Variants in KSR2 observed in about 807,000 individuals in gnomAD.
KSR2 encodes the protein kinase suppressor of ras 2.
In KSR2, 25 loss-of-function variants were observed where a neutral mutation model predicts 107.8. The ratio of observed to expected loss-of-function variants is 0.23; its 90% CI spans 0.17 to 0.32. The LOEUF (loss-of-function observed/expected upper bound fraction) is 0.32. KSR2 is among the 10% of genes least tolerant of loss of function. The probability of loss-of-function intolerance (pLI) is 1.00; values close to 1 mark genes in which losing one functional copy is unlikely to be tolerated. For synonymous variants in KSR2, 480 were observed against 507.0 expected (o/e 0.95, Z 0.71); for missense variants, 887 against 1,268.9 (o/e 0.70, Z 4.57).
At chr12:117,851,695 A>G (rs1391826576) in intron 3 of KSR2, among the ~76,000 whole-genome samples, 1 of 152,124 alleles carries the variant, frequency 6.6e-6, no homozygotes, top group East Asian at 1.9e-4. Context: ...GTTTGAGACC[A>G]GCCTAGCCAA....
chr12:117,816,304 G>T (rs555604152), intron 3 of KSR2, among the ~76,000 whole-genome samples: 1 of 152,228 alleles, frequency 6.6e-6, no homozygotes, highest in East Asian at 1.9e-4. Context: ...CCCAGCTGAG[G>T]CTTTAGCCAG....
intron 1 of KSR2, among the ~76,000 whole-genome samples, chr12:117,931,304 T>C (rs1051229283): frequency 1.3e-5 from 2 of 152,148 alleles, no homozygotes; most frequent in African/African-American, 4.8e-5. Context: ...GACCTGGGAA[T>C]TCATTTTTAA....
chr12:117,877,811 T>C (rs1407290035), intron 1 of KSR2, among the ~76,000 whole-genome samples: 3 of 152,116 alleles, frequency 2.0e-5, no homozygotes, highest in Non-Finnish European at 4.4e-5. Flanking sequence ...AAAATACACA[T>C]GCCAAGCCCC....
At chr12:117,857,625 G>C (rs1465391775) in intron 2 of KSR2, among the ~76,000 whole-genome samples, 2 of 151,996 alleles carry the variant, frequency 1.3e-5, no homozygotes, top group African/African-American at 4.8e-5. Context: ...AATAATAATA[G>C]CTGAAATGGA....
intron 4 of KSR2, among the ~76,000 whole-genome samples, chr12:117,758,736 C>G (rs12310819): frequency 0.06 from 9,087 of 152,194 alleles, 928 homozygotes; most frequent in African/African-American, 0.21. Context: ...ATTTAAAAAC[C>G]AAAGGGCAGC....
Position 117,468,272 on chromosome 12 carries a change from G to A in KSR2, c.2847-1067C>T, listed in dbSNP as rs923498996. On this transcript the variant is annotated intron_variant, in intron 19 of 19. Coordinates refer to ENST00000339824, the MANE Select transcript of KSR2 (RefSeq NM_173598.6). Reference sequence around the variant, plus strand: ...CAGGTGCTCTACACGTGGCCACATGGGACTTGCACAGCATTTCTGCTAGAG... The same window carrying A: ...CAGGTGCTCTACACGTGGCCACATGAGACTTGCACAGCATTTCTGCTAGAG... Among the ~76,000 whole-genome samples, 13 of 152,304 alleles carry A rather than the reference G, an allele frequency of 8.5e-5. 1 individual carries two copies. The highest frequency in any genetic ancestry group is 8.3e-4 in the South Asian group (4 of 4,826).
Position 117,524,968 on chromosome 12 carries a change from C to T in KSR2, c.2103G>A (p.Glu701=). The T allele has an allele frequency of 1.2e-6, 2 of 1,613,876 alleles. No homozygotes were observed. The highest frequency in any genetic ancestry group is 1.7e-6 in the Non-Finnish European group (2 of 1,179,864). The part of the protein sequence containing the change: ...IRLIDIERDN[E]DQLKAFKREV... ...CCCGCTTGAAGGCCTTGAGCTGGTC[C>T]TCGTTGTCCCTCTCAATGTCAATCA... The change falls in exon 14 of 20, where the codon GAG becomes GAA. Residue 701 remains glutamate (E), a synonymous_variant. Coordinates refer to ENST00000339824, the MANE Select transcript of KSR2 (RefSeq NM_173598.6).
At chr12:117,586,583 G>GAA (rs60193111) in intron 5 of KSR2, among the ~76,000 whole-genome samples, 2 of 54,724 alleles carry the variant, frequency 3.7e-5, no homozygotes, top group South Asian at 1.0e-3. Flanking sequence ...GCCAAACTCC[G>GAA]AAAAAAAAAA....
chr12:117,894,783 T>C (rs1454409804), intron 1 of KSR2, among the ~76,000 whole-genome samples: 1 of 141,172 alleles, frequency 7.1e-6, no homozygotes, highest in African/African-American at 2.6e-5. Flanking sequence ...GTGAAGACCA[T>C]GCCTGCTTCC....
intron 5 of KSR2, among the ~76,000 whole-genome samples, chr12:117,620,769 T>C (rs1882150537): frequency 6.6e-6 from 1 of 152,068 alleles, no homozygotes; most frequent in African/African-American, 2.4e-5. Context: ...GTATTTATCA[T>C]TCTTCTTTTT....
intron 14 of KSR2, among the ~76,000 whole-genome samples, chr12:117,497,440 T>C (rs545618772): frequency 3.3e-5 from 5 of 152,252 alleles, no homozygotes; most frequent in Non-Finnish European, 5.9e-5. Flanking sequence ...CTTCATTAAC[T>C]TGTGACAACT....
At chr12:117,768,848 A>C (rs1006302891) in intron 3 of KSR2, among the ~76,000 whole-genome samples, 3 of 152,252 alleles carry the variant, frequency 2.0e-5, no homozygotes, top group Admixed American at 6.5e-5. Context: ...AGGCACAGAG[A>C]GGTCAAGTGG....
chr12:117,858,599 G>A (rs1430123323), intron 2 of KSR2, among the ~76,000 whole-genome samples: 2 of 152,230 alleles, frequency 1.3e-5, no homozygotes, highest in East Asian at 3.9e-4. Context: ...AGCAGGGAGC[G>A]CCTCGAGAGA....
intron 4 of KSR2, among the ~76,000 whole-genome samples, chr12:117,691,542 T>C (rs776296367): frequency 1.3e-5 from 2 of 152,226 alleles, no homozygotes; most frequent in Non-Finnish European, 2.9e-5. Flanking sequence ...CAGGTTGACA[T>C]AGACAGACGG....
chr12:117,568,500 G>C (rs816206), intron 7 of KSR2, among the ~76,000 whole-genome samples: 3 of 152,042 alleles, frequency 2.0e-5, no homozygotes, highest in African/African-American at 7.2e-5. Flanking sequence ...GTCTGGGATC[G>C]TGAATCTGAG....
chr12:117,968,247 C>A lies in KSR2; in HGVS notation c.9G>T (p.Glu3Asp), dbSNP rs1424956367. ...GCTCCTCGCTTTTCGTCATGTTTTC[C>A]TCATCCATCGCTTGCTCTGCAACCC... MD[E>D]ENMTKSEEQQ... The change falls in exon 1 of 20, where the codon GAG becomes GAT. Residue 3 changes from glutamate (E) to aspartate (D), a missense_variant. Transcript: ENST00000339824. 6.4e-7 allele frequency: 1 copy of A among 1,552,128 alleles called. No individual in the cohort carries two copies. The highest frequency in any genetic ancestry group is 1.8e-5 in the Admixed American group (1 of 55,022).
Position 117,525,009 on chromosome 12 carries a change from C to T in KSR2, c.2062G>A (p.Glu688Lys), listed in dbSNP as rs577674238. The T allele has an allele frequency of 3.7e-6, 6 of 1,613,934 alleles. No individual in the cohort carries two copies. Among genetic ancestry groups the T allele is most frequent in the South Asian group, 2.2e-5 (2 of 91,066 alleles). ...ATGTCAATCAGCCGGATGGCCACCTCGCCATGCCAGCGGCCGTGGTACACT... is the reference window on the plus strand; with the variant it reads ...ATGTCAATCAGCCGGATGGCCACCTTGCCATGCCAGCGGCCGTGGTACACT... ...GQVYHGRWHG[E>K]VAIRLIDIER... The change falls in exon 14 of 20, where the codon GAG becomes AAG. Residue 688 changes from glutamate (E) to lysine (K), a missense_variant. Transcript: ENST00000339824.
At chr12:117,704,104 G>C (rs552139554) in intron 4 of KSR2, among the ~76,000 whole-genome samples, 1 of 151,880 alleles carries the variant, frequency 6.6e-6, no homozygotes, top group Non-Finnish European at 1.5e-5. Context: ...ATTGGGGAGG[G>C]CATTTCATAT....
At chr12:117,591,598 G>A (rs1327977289) in intron 5 of KSR2, among the ~76,000 whole-genome samples, 4 of 152,016 alleles carry the variant, frequency 2.6e-5, no homozygotes, top group African/African-American at 9.7e-5. Context: ...ATGAAGGGCT[G>A]GTATGTGGCG....
Sources: gnomAD v4.1 joint callset for allele counts (sites outside exome capture counted in the v4.1 genomes callset) on GRCh38, gnomAD v4.1.1 for gene constraint, MANE v1.5 for transcripts, NCBI Gene and HGNC (gene_info 2026-07-23, HGNC 2026-07-21) for gene names.